The following PRMT3 variants were observed in gnomAD, a reference collection of about 807,000 sequenced individuals.
PRMT3 encodes protein arginine N-methyltransferase 3.
A neutral mutation model predicts 71.9 loss-of-function variants in PRMT3; 62 were observed. The ratio of observed to expected loss-of-function variants is 0.86; its 90% CI spans 0.70 to 1.07. The LOEUF (loss-of-function observed/expected upper bound fraction) is 1.07. Among genes scored for constraint, PRMT3 ranks in the 50% least tolerant of loss-of-function variants. PRMT3 has a pLI of 0.00. For synonymous variants in PRMT3, 213 were observed against 220.4 expected (o/e 0.97, Z 0.30); for missense variants, 663 against 643.0 (o/e 1.03, Z -0.34).
intron 13 of PRMT3, among the ~76,000 whole-genome samples, chr11:20,485,130 A>G (rs1851040703): frequency 6.6e-6 from 1 of 152,174 alleles, no homozygotes; most frequent in African/African-American, 2.4e-5. Context: ...GAACACTTGC[A>G]TGGACTACAG....
intron 3 of PRMT3, among the ~76,000 whole-genome samples, chr11:20,390,930 G>A (rs1165038556): frequency 1.3e-5 from 2 of 152,060 alleles, no homozygotes; most frequent in Non-Finnish European, 2.9e-5. Flanking sequence ...TGTGCCTGTA[G>A]TCCCAGCTAC....
intron 10 of PRMT3, among the ~76,000 whole-genome samples, chr11:20,431,347 C>T (rs1354749042): frequency 1.3e-5 from 2 of 152,080 alleles, no homozygotes; most frequent in Non-Finnish European, 2.9e-5. Context: ...ATGAAAATAA[C>T]AGTATTACCT....
intron 9 of PRMT3, among the ~76,000 whole-genome samples, chr11:20,414,151 T>G (rs1006574907): frequency 6.6e-6 from 1 of 152,114 alleles, no homozygotes; most frequent in Non-Finnish European, 1.5e-5. Context: ...CCAAGGAGTT[T>G]AAGACCAACC....
Position 20,395,927 on chromosome 11 carries a change from A to G in PRMT3, c.525A>G (p.Ala175=). 2 of 1,614,084 alleles carry G rather than the reference A, an allele frequency of 1.2e-6. No homozygotes were observed. The highest frequency in any genetic ancestry group is 1.7e-5 in the Admixed American group (1 of 59,998). The change falls in exon 6 of 16, where the codon GCA becomes GCG. Residue 175 remains alanine, a synonymous_variant. Coordinates refer to ENST00000331079, the MANE Select transcript of PRMT3 (RefSeq NM_005788.4). ...CCAGGGCACTGTCTGCTGAAGCCGC[A>G]TTGGCCAGAGCACGTGAGGATCTGC... is the stretch of plus-strand genomic sequence containing the variant. ...MEARALSAEA[A]LARAREDLQK...
At chr11:20,410,745 AACTT>A (rs1849177238) in intron 9 of PRMT3, among the ~76,000 whole-genome samples, 2 of 152,088 alleles carry the variant, frequency 1.3e-5, no homozygotes. Flanking sequence ...GAAAGCTACC[AACTT>A]ACTTTTAATC....
intron 13 of PRMT3, among the ~76,000 whole-genome samples, chr11:20,471,801 A>G (rs868027209): frequency 5.3e-5 from 8 of 152,252 alleles, no homozygotes; most frequent in Admixed American, 5.2e-4. Context: ...AAGTATGGCA[A>G]TTTTCACAAT....
intron 10 of PRMT3, among the ~76,000 whole-genome samples, chr11:20,443,863 A>G (rs1849963911): frequency 6.6e-6 from 1 of 152,220 alleles, no homozygotes; most frequent in Admixed American, 6.5e-5. Flanking sequence ...GAATATGCAG[A>G]GGAAATTATT....
At position 20,461,979 on chromosome 11, in the gene PRMT3, G is replaced by A; in HGVS notation, c.1073-1G>A. 2 of 1,548,362 alleles carry A rather than the reference G, an allele frequency of 1.3e-6. No individual in the cohort carries two copies. The highest frequency in any genetic ancestry group is 1.8e-6 in the Non-Finnish European group (2 of 1,138,938). On this transcript the variant is annotated splice_acceptor_variant, in intron 11 of 15. Transcript: ENST00000331079. LOFTEE classifies it high-confidence loss of function. ...ATTGTTGGGCATTTTGTTTGTTACA[G>A]TCTACCCTGACATTTGCACTATCAG... is the stretch of plus-strand genomic sequence containing the variant.
intron 13 of PRMT3, among the ~76,000 whole-genome samples, chr11:20,481,262 TAA>T (rs11451315): frequency 1.4e-5 from 2 of 147,250 alleles, no homozygotes; most frequent in Non-Finnish European, 1.5e-5. Context: ...AGCATTCAGG[TAA>T]AAAAAAAAAA....
intron 11 of PRMT3, among the ~76,000 whole-genome samples, chr11:20,453,139 C>T (rs1392964511): frequency 6.6e-6 from 1 of 151,894 alleles, no homozygotes; most frequent in Non-Finnish European, 1.5e-5. Flanking sequence ...AGTTATGCCT[C>T]CTACCATCCA....
At chr11:20,461,031 A>G (rs778729612) in intron 11 of PRMT3, among the ~76,000 whole-genome samples, 17 of 152,154 alleles carry the variant, frequency 1.1e-4, no homozygotes, top group Non-Finnish European at 1.9e-4. Flanking sequence ...TTGCTACCCT[A>G]TGTAAAATTT....
intron 8 of PRMT3, among the ~76,000 whole-genome samples, chr11:20,403,433 A>T (rs1407548819): frequency 6.6e-6 from 1 of 152,100 alleles, no homozygotes; most frequent in Non-Finnish European, 1.5e-5. Context: ...TATTTAGTTT[A>T]TATGCTTTAT....
At chr11:20,460,671 T>C (rs1850363522) in intron 11 of PRMT3, among the ~76,000 whole-genome samples, 1 of 138,514 alleles carries the variant, frequency 7.2e-6, no homozygotes, top group African/African-American at 2.5e-5. Context: ...TTCAGACATT[T>C]TTATTTGTTT....
chr11:20,502,827 C>T (rs1851489748), intron 15 of PRMT3, among the ~76,000 whole-genome samples: 1 of 151,968 alleles, frequency 6.6e-6, no homozygotes, highest in Non-Finnish European at 1.5e-5. Context: ...CTAGCAATAC[C>T]TCATATGCTT....
intron 11 of PRMT3, among the ~76,000 whole-genome samples, chr11:20,459,268 G>GT (rs1850331369): frequency 1.3e-5 from 2 of 152,178 alleles, no homozygotes; most frequent in Non-Finnish European, 2.9e-5. Context: ...TAGCAGAACT[G>GT]TATCAACTAT....
chr11:20,472,944 G>A (rs1850685872), intron 13 of PRMT3, among the ~76,000 whole-genome samples: 2 of 152,100 alleles, frequency 1.3e-5, no homozygotes, highest in Non-Finnish European at 2.9e-5. Flanking sequence ...GGTCTCATCA[G>A]GGATTCAATT....
chr11:20,461,213 C>T (rs1425295350), intron 11 of PRMT3, among the ~76,000 whole-genome samples: 1 of 152,130 alleles, frequency 6.6e-6, no homozygotes. Flanking sequence ...CACTGCTGCT[C>T]ACTTTGCCTA....
At chr11:20,423,004 G>T (rs1271155393) in intron 9 of PRMT3, among the ~76,000 whole-genome samples, 1 of 152,082 alleles carries the variant, frequency 6.6e-6, no homozygotes, top group Non-Finnish European at 1.5e-5. Flanking sequence ...AGGAAGGACC[G>T]AAGCAGCTGC....
Position 20,417,096 on chromosome 11 carries a change from C to T in PRMT3, c.893+9064C>T, listed in dbSNP as rs188734919. On this transcript the variant is annotated intron_variant, in intron 9 of 15. Coordinates refer to ENST00000331079, the MANE Select transcript of PRMT3 (RefSeq NM_005788.4). ...CCACCTCCACTGTCATGCTCGCTGACGTGTGCACTGAGTACTGGGTCTTTC... is the reference window on the plus strand; with the variant it reads ...CCACCTCCACTGTCATGCTCGCTGATGTGTGCACTGAGTACTGGGTCTTTC... Among the ~76,000 whole-genome samples the T allele has an allele frequency of 3.9e-5, 6 of 152,268 alleles. No homozygotes were observed. In the East Asian group the frequency reaches 5.8e-4, roughly 15 times the overall value.
Sources: allele counts gnomAD v4.1 joint callset (sites outside exome capture counted in the v4.1 genomes callset), GRCh38; gene constraint gnomAD v4.1.1; transcripts MANE v1.5; gene names NCBI Gene and HGNC (gene_info 2026-07-23, HGNC 2026-07-21).